The following CACNG2 variants were observed in gnomAD, a reference collection of about 807,000 sequenced individuals.
CACNG2 encodes voltage-dependent calcium channel gamma-2 subunit.
In CACNG2, 3 loss-of-function variants were observed where a neutral mutation model predicts 25.9. That is an observed-to-expected ratio of 0.12 (90% CI 0.05 to 0.30). The LOEUF (loss-of-function observed/expected upper bound fraction) is 0.30. Ranked by LOEUF, CACNG2 falls within the 10% of genes least tolerant of loss-of-function variation. The pLI, the probability that CACNG2 is intolerant of heterozygous loss-of-function variation, is 1.00. For synonymous variants in CACNG2, 167 were observed against 173.3 expected (o/e 0.96, Z 0.29); for missense variants, 341 against 432.5 (o/e 0.79, Z 1.88).
chr22:36,702,568 C>T lies in CACNG2; in HGVS notation c.9G>A (p.Leu3=), dbSNP rs1350301344. 5.6e-6 allele frequency: 9 copies of T among 1,613,548 alleles called. No homozygotes were observed. Among genetic ancestry groups the T allele is most frequent in the Non-Finnish European group, 6.8e-6 (8 of 1,179,622 alleles). Residue 3 remains leucine, a synonymous_variant, in exon 1 of 4, where the codon CTG becomes CTA. Transcript: ENST00000300105. MG[L]FDRGVQMLLT... The stretch of plus-strand genomic sequence containing the variant: ...AAAGCATTTGAACACCTCGATCAAA[C>T]AGCCCCATAATTCTTCATTATATAA...
intron 1 of CACNG2, among the ~76,000 whole-genome samples, chr22:36,591,189 A>C (rs1174861520): frequency 1.3e-4 from 20 of 151,204 alleles, no homozygotes; most frequent in Admixed American, 1.1e-3. Context: ...GGCGCCCGCC[A>C]CTACGCCCGG....
intron 1 of CACNG2, among the ~76,000 whole-genome samples, chr22:36,680,704 T>TATACTACC (rs1937107911): frequency 8.3e-6 from 1 of 120,542 alleles, no homozygotes; most frequent in Non-Finnish European, 1.8e-5. Context: ...CCATCACCAC[T>TATACTACC]ACCACCATCA....
intron 1 of CACNG2, among the ~76,000 whole-genome samples, chr22:36,648,149 C>T (rs1277253289): frequency 1.2e-4 from 19 of 152,274 alleles, no homozygotes; most frequent in Admixed American, 6.5e-5. Context: ...TTGCCCAGCT[C>T]GACTACCAGC....
At chr22:36,639,645 G>T (rs1296735281) in intron 1 of CACNG2, among the ~76,000 whole-genome samples, 4 of 152,128 alleles carry the variant, frequency 2.6e-5, no homozygotes, top group African/African-American at 9.7e-5. Context: ...CTGTTCCTCT[G>T]GTTACCCCTT....
chr22:36,641,113 C>T (rs1407933340), intron 1 of CACNG2, among the ~76,000 whole-genome samples: 1 of 152,324 alleles, frequency 6.6e-6, no homozygotes, highest in East Asian at 1.9e-4. Context: ...TCCAAGACCA[C>T]CCTATCTTCT....
At chr22:36,605,266 G>C (rs554958236) in intron 1 of CACNG2, among the ~76,000 whole-genome samples, 1 of 152,106 alleles carries the variant, frequency 6.6e-6, no homozygotes, top group South Asian at 2.1e-4. Context: ...GTAGAGATGG[G>C]GTTTCACCAT....
chr22:36,627,323 G>A (rs1157131604), intron 1 of CACNG2, among the ~76,000 whole-genome samples: 1 of 133,356 alleles, frequency 7.5e-6, no homozygotes, highest in Non-Finnish European at 1.7e-5. Flanking sequence ...TGTGTGTGTA[G>A]AGGGAGAGAA....
At chr22:36,667,281 C>A (rs563533243) in intron 1 of CACNG2, among the ~76,000 whole-genome samples, 1 of 152,310 alleles carries the variant, frequency 6.6e-6, no homozygotes, top group Non-Finnish European at 1.5e-5. Context: ...TCAGCTCCCA[C>A]CTTGGAGAGA....
intron 1 of CACNG2, among the ~76,000 whole-genome samples, chr22:36,609,783 G>C (rs1935906233): frequency 1.3e-5 from 2 of 150,462 alleles, no homozygotes; most frequent in African/African-American, 4.9e-5. Context: ...CAACCCCCCA[G>C]AATGTGATCA....
intron 1 of CACNG2, among the ~76,000 whole-genome samples, chr22:36,693,937 C>T (rs185060877): frequency 4.7e-4 from 72 of 152,306 alleles, no homozygotes; most frequent in Admixed American, 1.0e-3. Flanking sequence ...TCCTTGAGGG[C>T]ACAGATTGAG....
chr22:36,679,191 TTCCTTC>T (rs1177318458), intron 1 of CACNG2, among the ~76,000 whole-genome samples: 4,363 of 82,182 alleles, frequency 0.053, 64 homozygotes, highest in Non-Finnish European at 0.067. Context: ...CCTTCCTTCC[TTCCTTC>T]CTTTCTTTCT....
At chr22:36,673,983 C>T (rs2284006) in intron 1 of CACNG2, among the ~76,000 whole-genome samples, 34,649 of 152,130 alleles carry the variant, frequency 0.23, 4,277 homozygotes, top group Middle Eastern at 0.32. Context: ...GACTCTCTCT[C>T]GATAGCACGC....
At chr22:36,565,212 G>T (rs1388470769) in intron 3 of CACNG2, among the ~76,000 whole-genome samples, 2 of 152,206 alleles carry the variant, frequency 1.3e-5, no homozygotes, top group Non-Finnish European at 2.9e-5. Context: ...TTCACTGCTT[G>T]GTGCTTCTCA....
intron 1 of CACNG2, among the ~76,000 whole-genome samples, chr22:36,681,663 C>T (rs1165114501): frequency 6.6e-6 from 1 of 152,160 alleles, no homozygotes; most frequent in African/African-American, 2.4e-5. Context: ...GTAAAGTTGA[C>T]CATTTGTGTT....
intron 1 of CACNG2, among the ~76,000 whole-genome samples, chr22:36,641,505 C>T (rs936221562): frequency 6.6e-6 from 1 of 152,058 alleles, no homozygotes; most frequent in African/African-American, 2.4e-5. Flanking sequence ...TTGGGAGGGG[C>T]AACGCATTGA....
intron 2 of CACNG2, among the ~76,000 whole-genome samples, chr22:36,586,199 G>A (rs946185425): frequency 6.6e-6 from 1 of 152,194 alleles, no homozygotes; most frequent in South Asian, 2.1e-4. Context: ...CATCCATCTT[G>A]GCCTCCCCAG....
chr22:36,663,370 C>A (rs1936827981), intron 1 of CACNG2, among the ~76,000 whole-genome samples: 1 of 152,172 alleles, frequency 6.6e-6, no homozygotes, highest in African/African-American at 2.4e-5. Flanking sequence ...CACCCCTACC[C>A]TCTATACTCA....
At chr22:36,566,532 TGGCTGTGAGACTGAGGCACACAGAGGCA>T in intron 2 of CACNG2, 39 bp from the exon 3 acceptor site, 1 of 1,612,510 alleles carries the variant, frequency 6.2e-7, no homozygotes, top group African/African-American at 1.3e-5. Flanking sequence ...GAGAACGGCA[TGGCTGTGAGACTGAGGCACACAGAGGCA>T]GGTGGGAGAG....
intron 1 of CACNG2, among the ~76,000 whole-genome samples, chr22:36,701,359 T>C (rs979130728): frequency 6.6e-6 from 1 of 152,190 alleles, no homozygotes; most frequent in South Asian, 2.1e-4. Context: ...ACAGGAGTTT[T>C]TTTTTCTGTG....
Sources: allele counts gnomAD v4.1 joint callset (sites outside exome capture counted in the v4.1 genomes callset), GRCh38; gene constraint gnomAD v4.1.1; transcripts MANE v1.5; gene names NCBI Gene and HGNC (gene_info 2026-07-23, HGNC 2026-07-21).